Variants in SLIT3 observed in about 807,000 individuals in gnomAD.
The protein encoded by SLIT3 is slit homolog 3 protein.
In SLIT3, 68 loss-of-function variants were observed where a neutral mutation model predicts 184.0. That is an observed-to-expected ratio of 0.37 (90% confidence interval 0.30 to 0.45). SLIT3 has a LOEUF of 0.45. SLIT3 is among the 20% of genes least tolerant of loss of function. SLIT3 has a pLI of 1.00. For missense variants in SLIT3, 1,707 were observed against 2,026.0 expected, an observed-to-expected ratio of 0.84 and a Z score of 3.02; for synonymous variants, 831 against 828.6, an observed-to-expected ratio of 1.00 and a Z score of -0.05.
At chr5:168,966,986 A>C (rs1382820533) in intron 4 of SLIT3, among the ~76,000 whole-genome samples, 3 of 152,010 alleles carry the variant, frequency 2.0e-5, no homozygotes, top group Non-Finnish European at 4.4e-5. Context: ...AAAGCCCCCC[A>C]AAAATATATG....
At chr5:168,701,374 A>G (rs1263406224) in intron 26 of SLIT3, among the ~76,000 whole-genome samples, 1 of 152,152 alleles carries the variant, frequency 6.6e-6, no homozygotes, top group Non-Finnish European at 1.5e-5. Flanking sequence ...TTGGTATTCT[A>G]AAGTTCTGAA....
chr5:169,044,587 T>TGGGGGGGGGGGGGGGGGAGGG (rs57256659), intron 4 of SLIT3, among the ~76,000 whole-genome samples: 1 of 70,712 alleles, frequency 1.4e-5, no homozygotes, highest in African/African-American at 4.2e-5. Flanking sequence ...TGGAGGAAGG[T>TGGGGGGGGGGGGGGGGGAGGG]GGGGGGGGGG....
At chr5:169,173,305 G>A (rs543348759) in intron 4 of SLIT3, among the ~76,000 whole-genome samples, 1 of 152,324 alleles carries the variant, frequency 6.6e-6, no homozygotes, top group South Asian at 2.1e-4. Context: ...CAGAAAGTGA[G>A]AGGATGGTTC....
intron 9 of SLIT3, among the ~76,000 whole-genome samples, chr5:168,801,071 G>C (rs965084723): frequency 5.3e-5 from 8 of 152,164 alleles, no homozygotes; most frequent in African/African-American, 1.9e-4. Context: ...TGTGCTTAAA[G>C]TAAGAGGCAG....
At chr5:169,113,675 G>A (rs1006983207) in intron 4 of SLIT3, among the ~76,000 whole-genome samples, 1 of 44,306 alleles carries the variant, frequency 2.3e-5, no homozygotes, top group African/African-American at 1.0e-4. Context: ...TTTTTTTTTT[G>A]AGATGGAGTC....
intron 14 of SLIT3, among the ~76,000 whole-genome samples, chr5:168,767,576 G>T (rs1352957716): frequency 6.6e-6 from 1 of 152,210 alleles, no homozygotes; most frequent in African/African-American, 2.4e-5. Flanking sequence ...GGGGTTCAGG[G>T]ACTGTGTTTT....
chr5:168,895,881 A>G (rs986557636), intron 4 of SLIT3, among the ~76,000 whole-genome samples: 3 of 152,188 alleles, frequency 2.0e-5, no homozygotes, highest in Admixed American at 6.5e-5. Flanking sequence ...TAAGCCTGAA[A>G]GGCACTAGAC....
intron 4 of SLIT3, among the ~76,000 whole-genome samples, chr5:168,912,955 T>G (rs1020693647): frequency 1.3e-5 from 2 of 152,220 alleles, no homozygotes; most frequent in Non-Finnish European, 2.9e-5. Flanking sequence ...TATTCCACCC[T>G]GTCTGGCTGG....
intron 4 of SLIT3, among the ~76,000 whole-genome samples, chr5:169,169,488 G>A (rs150044053): frequency 1.9e-3 from 296 of 152,296 alleles, no homozygotes; most frequent in African/African-American, 6.5e-3. Flanking sequence ...AAATAAATTA[G>A]CTGGTTTCTC....
chr5:169,157,550 T>A (rs1343919628), intron 4 of SLIT3, among the ~76,000 whole-genome samples: 1 of 152,122 alleles, frequency 6.6e-6, no homozygotes, highest in Non-Finnish European at 1.5e-5. Context: ...AACAATGCAA[T>A]GCCTCCCCTT....
At chr5:169,241,173 A>G (rs1386648430) in intron 3 of SLIT3, among the ~76,000 whole-genome samples, 1 of 152,110 alleles carries the variant, frequency 6.6e-6, no homozygotes, top group Non-Finnish European at 1.5e-5. Context: ...ACTTTTTCCT[A>G]TATCCCATCC....
chr5:168,807,124 A>G (rs149500521), intron 8 of SLIT3, among the ~76,000 whole-genome samples: 1 of 152,338 alleles, frequency 6.6e-6, no homozygotes, highest in East Asian at 1.9e-4. Context: ...TTCTTTGTCC[A>G]GGGAACATGC....
At chr5:169,116,421 C>A (rs893274180) in intron 4 of SLIT3, among the ~76,000 whole-genome samples, 4 of 152,018 alleles carry the variant, frequency 2.6e-5, no homozygotes, top group African/African-American at 9.7e-5. Flanking sequence ...CAATAGGGAG[C>A]CTTTAAACAT....
intron 4 of SLIT3, among the ~76,000 whole-genome samples, chr5:168,902,858 G>T (rs904815100): frequency 6.6e-6 from 1 of 152,152 alleles, no homozygotes; most frequent in African/African-American, 2.4e-5. Context: ...GTTAGCATGG[G>T]CAGGGGAGGC....
intron 4 of SLIT3, among the ~76,000 whole-genome samples, chr5:169,082,521 A>T (rs541483263): frequency 1.3e-5 from 2 of 152,304 alleles, no homozygotes; most frequent in East Asian, 3.9e-4. Flanking sequence ...TTACTCTCTG[A>T]TTCCTATTCT....
chr5:168,817,538 A>ACTGGCCAGACAGAGTGG, intron 7 of SLIT3, 75 bp from the exon 8 acceptor site: 1 of 1,458,496 alleles, frequency 6.9e-7, no homozygotes, highest in African/African-American at 1.4e-5. Context: ...AGACAGAGTG[A>ACTGGCCAGACAGAGTGG]CCAAAACCCC....
chr5:169,252,289 A>G (rs1033185282), intron 1 of SLIT3, among the ~76,000 whole-genome samples: 4 of 152,186 alleles, frequency 2.6e-5, no homozygotes, highest in African/African-American at 9.7e-5. Context: ...CTCATTTCAC[A>G]TGTTAGGTAA....
chr5:169,164,398 C>T (rs563137240), intron 4 of SLIT3, among the ~76,000 whole-genome samples: 22 of 152,306 alleles, frequency 1.4e-4, no homozygotes, highest in African/African-American at 5.3e-4. Flanking sequence ...GTCTGTGGTT[C>T]CATTTTACTC....
intron 10 of SLIT3, among the ~76,000 whole-genome samples, chr5:168,793,348 A>G (rs1432135402): frequency 2.0e-5 from 3 of 152,110 alleles, no homozygotes; most frequent in Non-Finnish European, 2.9e-5. Flanking sequence ...CTGGTCACGT[A>G]TATTTAGGAA....
Sources: gnomAD v4.1 joint callset for allele counts (sites outside exome capture counted in the v4.1 genomes callset) on GRCh38, gnomAD v4.1.1 for gene constraint, MANE v1.5 for transcripts, NCBI Gene and HGNC (gene_info 2026-07-23, HGNC 2026-07-21) for gene names.